LEF1: variants seen among roughly 807,000 people sequenced by gnomAD.
The protein encoded by LEF1 is lymphoid enhancer-binding factor 1.
LEF1 carries 14 observed loss-of-function variants against 51.2 expected under a neutral mutation model. That is an observed-to-expected ratio of 0.27 (90% CI 0.18 to 0.43). The LOEUF (loss-of-function observed/expected upper bound fraction) is 0.43. LEF1 is among the 20% of genes least tolerant of loss of function. The pLI, the probability that LEF1 is intolerant of heterozygous loss-of-function variation, is 1.00. For missense variants in LEF1, 386 were observed against 512.0 expected, an observed-to-expected ratio of 0.75 and a Z score of 2.37; for synonymous variants, 185 against 183.2, an observed-to-expected ratio of 1.01 and a Z score of -0.08.
chr4:108,082,523 C>A (rs1486601313), intron 5 of LEF1, among the ~76,000 whole-genome samples: 1 of 151,880 alleles, frequency 6.6e-6, no homozygotes, highest in Non-Finnish European at 1.5e-5. Context: ...AGATGGGGTA[C>A]AATGACATGG....
intron 9 of LEF1, among the ~76,000 whole-genome samples, chr4:108,065,193 A>G (rs2126268202): frequency 6.6e-6 from 1 of 152,350 alleles, no homozygotes; most frequent in Non-Finnish European, 1.5e-5. Flanking sequence ...TTTGTCCTCA[A>G]AAATAATTTT....
intron 6 of LEF1, 109 bp downstream of exon 6, chr4:108,081,477 C>T: frequency 2.5e-6 from 2 of 784,494 alleles, no homozygotes; most frequent in East Asian, 2.6e-5. Flanking sequence ...AGACACATGG[C>T]TGAGGTATGC....
intron 11 of LEF1, among the ~76,000 whole-genome samples, chr4:108,051,682 G>A (rs1366374152): frequency 1.3e-5 from 2 of 152,134 alleles, no homozygotes; most frequent in Non-Finnish European, 2.9e-5. Context: ...GAGTCACCAC[G>A]CATTTGTACT....
chr4:108,086,528 C>A (rs1739655861), intron 4 of LEF1, among the ~76,000 whole-genome samples: 1 of 152,114 alleles, frequency 6.6e-6, no homozygotes, highest in Admixed American at 6.5e-5. Flanking sequence ...TGGAGTCAGA[C>A]TATATGGATA....
At chr4:108,068,273 A>G (rs1738217085) in intron 9 of LEF1, among the ~76,000 whole-genome samples, 1 of 150,842 alleles carries the variant, frequency 6.6e-6, no homozygotes, top group Non-Finnish European at 1.5e-5. Flanking sequence ...GTCTCAAAAC[A>G]AAACAAAACA....
At chr4:108,116,138 G>A (rs899007152) in intron 3 of LEF1, among the ~76,000 whole-genome samples, 2 of 152,170 alleles carry the variant, frequency 1.3e-5, no homozygotes. Context: ...AGGTAGCTGT[G>A]TGGGAGTTGG....
chr4:108,082,973 T>C (rs1422818385), intron 5 of LEF1, among the ~76,000 whole-genome samples: 1 of 152,176 alleles, frequency 6.6e-6, no homozygotes, highest in African/African-American at 2.4e-5. Context: ...CAAGTAAAGG[T>C]AGATATTCAA....
intron 5 of LEF1, chr4:108,083,151 A>G (rs1015056765): frequency 1.4e-5 from 8 of 574,848 alleles, no homozygotes; most frequent in Admixed American, 3.1e-5. Flanking sequence ...TTTTCTACCC[A>G]TATTAGCAAA....
At chr4:108,137,751 TG>T (rs1042198952) in intron 3 of LEF1, among the ~76,000 whole-genome samples, 5 of 152,238 alleles carry the variant, frequency 3.3e-5, no homozygotes, top group African/African-American at 9.6e-5. Flanking sequence ...TATTTGAATA[TG>T]GTTTTCCTGT....
intron 3 of LEF1, among the ~76,000 whole-genome samples, chr4:108,099,606 ATATATATATAT>A (rs1740668661): frequency 8.0e-6 from 1 of 124,762 alleles, no homozygotes; most frequent in African/African-American, 2.9e-5. Flanking sequence ...ATATATATAT[ATATATATATAT>A]AAATAATACT....
chr4:108,120,914 G>C (rs1176334929), intron 3 of LEF1, among the ~76,000 whole-genome samples: 2 of 152,136 alleles, frequency 1.3e-5, no homozygotes, highest in Non-Finnish European at 2.9e-5. Flanking sequence ...AAAACAATAG[G>C]CTCATTTCAC....
chr4:108,104,488 A>T (rs1269608251), intron 3 of LEF1, among the ~76,000 whole-genome samples: 1 of 147,122 alleles, frequency 6.8e-6, no homozygotes, highest in African/African-American at 2.5e-5. Context: ...TATATATATA[A>T]ATTATTATAT....
intron 4 of LEF1, among the ~76,000 whole-genome samples, chr4:108,088,596 G>A (rs2110265805): frequency 6.6e-6 from 1 of 152,260 alleles, no homozygotes; most frequent in African/African-American, 2.4e-5. Context: ...TTAATGCAGA[G>A]GCGTAAAATA....
At chr4:108,134,756 A>C (rs546017328) in intron 3 of LEF1, among the ~76,000 whole-genome samples, 7 of 152,318 alleles carry the variant, frequency 4.6e-5, no homozygotes, top group Admixed American at 3.9e-4. Context: ...GGAAATTAAA[A>C]CCCTGAGAAG....
intron 3 of LEF1, among the ~76,000 whole-genome samples, chr4:108,148,101 C>T (rs1187130367): frequency 3.9e-5 from 6 of 152,044 alleles, no homozygotes; most frequent in Non-Finnish European, 7.4e-5. Flanking sequence ...GACACAGTAC[C>T]AACAGCATAA....
intron 3 of LEF1, among the ~76,000 whole-genome samples, chr4:108,159,344 A>T (rs1367515261): frequency 6.6e-6 from 1 of 152,214 alleles, no homozygotes; most frequent in Non-Finnish European, 1.5e-5. Flanking sequence ...ACACTTTCTA[A>T]AACTTATTCT....
At chr4:108,130,959 C>T (rs1742843698) in intron 3 of LEF1, among the ~76,000 whole-genome samples, 1 of 152,030 alleles carries the variant, frequency 6.6e-6, no homozygotes, top group African/African-American at 2.4e-5. Flanking sequence ...TAATTTAAAT[C>T]ACCTAGGAAG....
chr4:108,155,171 A>C (rs73839840), intron 3 of LEF1, among the ~76,000 whole-genome samples: 1 of 152,194 alleles, frequency 6.6e-6, no homozygotes, highest in African/African-American at 2.4e-5. Flanking sequence ...AACCAAAAAC[A>C]TATTCTTACC....
intron 3 of LEF1, among the ~76,000 whole-genome samples, chr4:108,136,700 T>A (rs770113662): frequency 3.3e-5 from 5 of 152,130 alleles, no homozygotes; most frequent in Non-Finnish European, 5.9e-5. Context: ...TAATATAGGG[T>A]CATTTGCCCT....
Sources: gnomAD v4.1 joint callset for allele counts (sites outside exome capture counted in the v4.1 genomes callset) on GRCh38, gnomAD v4.1.1 for gene constraint, MANE v1.5 for transcripts, NCBI Gene and HGNC (gene_info 2026-07-23, HGNC 2026-07-21) for gene names.